The following AFF2 variants were observed in gnomAD, a reference collection of about 807,000 sequenced individuals.
The protein encoded by AFF2 is AF4/FMR2 family member 2.
In AFF2, 14 loss-of-function variants were observed where a neutral mutation model predicts 76.9. That is an observed-to-expected ratio of 0.18 (90% CI 0.12 to 0.28). AFF2 has a LOEUF of 0.28. Ranked by LOEUF, AFF2 falls within the 10% of genes least tolerant of loss-of-function variation. The pLI is 1.00. For missense variants in AFF2, 868 were observed against 1,001.1 expected (o/e 0.87, Z 1.79); for synonymous variants, 398 against 366.7 (o/e 1.09, Z -0.98).
chrX:148,706,174 G>T (rs1334525688), intron 3 of AFF2, among the ~76,000 whole-genome samples: 4 of 112,047 alleles, frequency 3.6e-5, no homozygotes, highest in East Asian at 2.8e-4. Context: ...CCAAAATCTT[G>T]TTTCTCAGAG....
chrX:148,837,804 A>C, intron 5 of AFF2, 71 bp downstream of exon 5: 1 of 757,144 alleles, frequency 1.3e-6, no homozygotes, highest in Non-Finnish European at 2.0e-6. Flanking sequence ...CTGGATTCTC[A>C]GTGGCAAAAA....
rs190567467 is a variant in AFF2 at position 148,905,916 on chromosome X, G to A, written c.1397+1658G>A. Among the ~76,000 whole-genome samples, 9 of 112,536 alleles carry A rather than the reference G, an allele frequency of 8.0e-5. No homozygotes were observed. The East Asian group carries it at 8.4e-4, about 10-fold the overall frequency. The stretch of plus-strand genomic sequence containing the variant: ...GTGCACACTCTATCTAATGTCTAGC[G>A]TTTTGAGGAATGTTATAAAAAGAAG... On this transcript the variant is annotated intron_variant, in intron 9 of 20. Coordinates refer to ENST00000370460, the MANE Select transcript of AFF2 (RefSeq NM_002025.4).
rs782187542 is a variant in AFF2 at position 148,747,947 on chromosome X, CA to C, written c.1042-61920del. Among the ~76,000 whole-genome samples the C allele has an allele frequency of 5.0e-3, 550 of 109,629 alleles. 5 individuals carry two copies. Among genetic ancestry groups the C allele is most frequent in the South Asian group, 0.018 (46 of 2,617 alleles). On this transcript the variant is annotated intron_variant, in intron 3 of 20. Transcript: ENST00000370460. ...ATTAAATTTCTATCAAACAGTGCAA[CA>C]AAAAAAAATCTGCTTAAGTTAGAAA...
In AFF2 at chrX:148,880,851, A is replaced by C. The variant is rs782754150; in HGVS notation, c.1263-5038A>C. Among the ~76,000 whole-genome samples the C allele has an allele frequency of 3.6e-5, 4 of 111,982 alleles. No homozygotes were observed. In the South Asian group the frequency reaches 1.5e-3, roughly 42 times the overall value. ...AGCAAGACTCCAGCTGCAAGGTAGAAGGTACAGGAAAGCACGTGGCAACTC... is the reference window on the plus strand; with the variant it reads ...AGCAAGACTCCAGCTGCAAGGTAGACGGTACAGGAAAGCACGTGGCAACTC... On this transcript the variant is annotated intron_variant, in intron 7 of 20. Transcript: ENST00000370460.
At chrX:148,826,148 C>CA (rs1221159271) in intron 4 of AFF2, among the ~76,000 whole-genome samples, 4 of 98,353 alleles carry the variant, frequency 4.1e-5, no homozygotes, top group Non-Finnish European at 6.0e-5. Flanking sequence ...TGTTTTAGGC[C>CA]AAAAAAAAGG....
chrX:148,705,402 T>G (rs1171804422), intron 3 of AFF2, among the ~76,000 whole-genome samples: 1 of 112,113 alleles, frequency 8.9e-6, no homozygotes, highest in African/African-American at 3.2e-5. Context: ...AACAGAATCT[T>G]AGCCAGGAGA....
chrX:148,726,187 C>T (rs1235190356), intron 3 of AFF2, among the ~76,000 whole-genome samples: 1 of 112,172 alleles, frequency 8.9e-6, no homozygotes, highest in Non-Finnish European at 1.9e-5. Context: ...CATGAGGGGC[C>T]GCACAGCAAG....
intron 8 of AFF2, among the ~76,000 whole-genome samples, chrX:148,898,862 T>C (rs782628268): frequency 4.7e-4 from 52 of 111,761 alleles, no homozygotes; most frequent in African/African-American, 1.4e-3. Flanking sequence ...AACCTCTGCC[T>C]GTCAAAAGTA....
intron 19 of AFF2, 43 bp downstream of exon 19, chrX:148,980,833 T>C: frequency 9.9e-7 from 1 of 1,014,697 alleles, no homozygotes; most frequent in Non-Finnish European, 1.4e-6. Context: ...AGATGAGTGA[T>C]TCAATAGACC....
intron 9 of AFF2, among the ~76,000 whole-genome samples, chrX:148,916,400 C>T (rs2071533083): frequency 9.3e-6 from 1 of 107,325 alleles, no homozygotes; most frequent in Admixed American, 1.0e-4. Flanking sequence ...TTGGTAGAGA[C>T]GGGGTTTCAC....
At chrX:148,680,682 T>C (rs1313016637) in intron 3 of AFF2, among the ~76,000 whole-genome samples, 1 of 111,832 alleles carries the variant, frequency 8.9e-6, no homozygotes, top group African/African-American at 3.3e-5. Context: ...AATTTTGATA[T>C]ATTCACAATA....
chrX:148,641,877 C>T (rs2054092766), intron 1 of AFF2, among the ~76,000 whole-genome samples: 1 of 111,646 alleles, frequency 9.0e-6, no homozygotes, highest in Non-Finnish European at 1.9e-5. Flanking sequence ...GATTAGGGGC[C>T]CGCCCTAGTC....
Position 148,842,948 on chromosome X carries a change from A to T in AFF2, c.1174-18A>T. ...GTCATTTAACTAATGTTTGTGTCATATATATTATTCCTTATAGGAATCGCA... is the reference window on the plus strand; with the variant it reads ...GTCATTTAACTAATGTTTGTGTCATTTATATTATTCCTTATAGGAATCGCA... On this transcript the variant is annotated intron_variant, in intron 5 of 20. Coordinates refer to ENST00000370460, the MANE Select transcript of AFF2 (RefSeq NM_002025.4). The T allele has an allele frequency of 8.5e-7, 1 of 1,176,158 alleles. No homozygotes were observed. Among genetic ancestry groups the T allele is most frequent in the South Asian group, 1.9e-5 (1 of 52,931 alleles).
intron 3 of AFF2, among the ~76,000 whole-genome samples, chrX:148,781,143 G>A (rs946823076): frequency 5.4e-5 from 6 of 111,817 alleles, no homozygotes; most frequent in Non-Finnish European, 9.4e-5. Context: ...AAGGGCACCC[G>A]CCAGATTCCA....
At chrX:148,656,775 C>T (rs1557257181) in intron 2 of AFF2, among the ~76,000 whole-genome samples, 1 of 111,067 alleles carries the variant, frequency 9.0e-6, no homozygotes, top group Non-Finnish European at 1.9e-5. Context: ...GCTGGGATTA[C>T]AGGCGTGAGC....
chrX:148,952,339 T>C (rs1214798352), intron 9 of AFF2, among the ~76,000 whole-genome samples: 3 of 111,827 alleles, frequency 2.7e-5, no homozygotes, highest in Non-Finnish European at 1.9e-5. Context: ...CTGGGCTCTC[T>C]TGACTGAGCT....
At chrX:148,926,432 C>T (rs1477079539) in intron 9 of AFF2, among the ~76,000 whole-genome samples, 1 of 111,964 alleles carries the variant, frequency 8.9e-6, no homozygotes, top group Non-Finnish European at 1.9e-5. Flanking sequence ...ACACTGGTTG[C>T]ATGAGCTCCC....
intron 3 of AFF2, among the ~76,000 whole-genome samples, chrX:148,722,483 A>G (rs1301808262): frequency 9.1e-6 from 1 of 109,895 alleles, no homozygotes; most frequent in African/African-American, 3.3e-5. Flanking sequence ...ACCTCTTCTC[A>G]TCTTCATGTG....
chrX:148,674,005 G>A (rs2054453268), intron 3 of AFF2, among the ~76,000 whole-genome samples: 1 of 111,889 alleles, frequency 8.9e-6, no homozygotes, highest in South Asian at 3.7e-4. Flanking sequence ...GAGCTAGGTG[G>A]GCAAACCTTT....
Sources: gnomAD v4.1 joint callset for allele counts (sites outside exome capture counted in the v4.1 genomes callset) on GRCh38, gnomAD v4.1.1 for gene constraint, MANE v1.5 for transcripts, NCBI Gene and HGNC (gene_info 2026-07-23, HGNC 2026-07-21) for gene names.